DAGLB: variants seen among roughly 807,000 people sequenced by gnomAD.
DAGLB encodes the protein diacylglycerol lipase beta.
Under a neutral mutation model 72.1 loss-of-function variants are expected in DAGLB, and 66 were observed. That is an observed-to-expected ratio of 0.92 (90% CI 0.75 to 1.12). The LOEUF (loss-of-function observed/expected upper bound fraction) is 1.12. Ranked by LOEUF, DAGLB falls within the 50% of genes most tolerant of loss-of-function variation. The probability of loss-of-function intolerance (pLI) is 0.00; values close to 1 mark genes in which losing one functional copy is unlikely to be tolerated. For missense variants in DAGLB, 1,065 were observed against 884.9 expected, an observed-to-expected ratio of 1.20 and a Z score of -2.58; for synonymous variants, 414 against 359.5, an observed-to-expected ratio of 1.15 and a Z score of -1.71.
chr7:6,443,164 G>C (rs1784884339), intron 2 of DAGLB, among the ~76,000 whole-genome samples: 1 of 148,598 alleles, frequency 6.7e-6, no homozygotes, highest in African/African-American at 2.5e-5. Flanking sequence ...AGTCCAGCCT[G>C]GGTGAAAGAG....
chr7:6,434,615 T>C lies in DAGLB; in HGVS notation c.678+147A>G. The stretch of plus-strand genomic sequence containing the variant: ...AGTTAACTGCTCCCTGGAGGGCTCA[T>C]CACAGACAGAGGGTCTCCGGCCACC... On this transcript the variant is annotated intron_variant, in intron 4 of 14. Transcript: ENST00000297056. 5 of 1,319,096 alleles carry C rather than the reference T, an allele frequency of 3.8e-6. No homozygotes were observed. Among genetic ancestry groups the C allele is most frequent in the South Asian group, 1.4e-5 (1 of 71,948 alleles). 81.7% of individuals were successfully genotyped at this position (1,319,096 alleles called of 1,614,324 possible).
chr7:6,420,384 GA>G (rs1234642423), intron 9 of DAGLB, among the ~76,000 whole-genome samples: 1 of 151,312 alleles, frequency 6.6e-6, no homozygotes, highest in Non-Finnish European at 1.5e-5. Flanking sequence ...AGGTTGCAGT[GA>G]GCTGAGATGG....
Position 6,446,047 on chromosome 7 carries a change from ACCAGCACAGT to A in DAGLB, c.143_152del (p.Asp48ValfsTer9). 1 of 1,613,764 alleles carries A rather than the reference ACCAGCACAGT, an allele frequency of 6.2e-7. No homozygotes were observed. Among genetic ancestry groups the A allele is most frequent in the South Asian group, 1.1e-5 (1 of 91,052 alleles). ...TCAAGTAACTGCTGAGCAAGGCTCC[ACCAGCACAGT>A]CCAGCTTTCCTCTGTGCATGAGATA... On this transcript the variant is annotated frameshift_variant, in exon 2 of 15. Transcript: ENST00000297056. LOFTEE classifies it high-confidence loss of function.
Position 6,436,501 on chromosome 7 carries a change from T to A in DAGLB, c.280A>T (p.Met94Leu). The A allele has an allele frequency of 1.2e-6, 2 of 1,614,184 alleles. No homozygotes were observed. Among genetic ancestry groups the A allele is most frequent in the Non-Finnish European group, 1.7e-6 (2 of 1,180,042 alleles). ...TICNPGPRKS[M>L]SKLLYIRLAL... ...AGGCGGATGTAAAGCAGCTTAGACA[T>A]AGACTTCCGCGGTCCAGGGTTACAA... is the stretch of plus-strand genomic sequence containing the variant. The change falls in exon 3 of 15, where the codon ATG becomes TTG. Residue 94 changes from methionine to leucine, a missense_variant. Physicochemically the swap from Met to Leu is conservative, Grantham distance 15. Coordinates refer to ENST00000297056, the MANE Select transcript of DAGLB (RefSeq NM_139179.4).
At position 6,410,011 on chromosome 7, in the gene DAGLB, G is replaced by A; in HGVS notation, c.1845C>T (p.His615=). 1 of 1,613,980 alleles carries A rather than the reference G, an allele frequency of 6.2e-7. No individual in the cohort carries two copies. The highest frequency in any genetic ancestry group is 8.5e-7 in the Non-Finnish European group (1 of 1,179,934). Residue 615 remains histidine, a synonymous_variant, in exon 15 of 15, where the codon CAC becomes CAT. Coordinates refer to ENST00000297056, the MANE Select transcript of DAGLB (RefSeq NM_139179.4). ...SGRFGCCSAA[H]YSAKWSHEAE... is the part of the protein sequence containing the mutation. Reference sequence around the variant, plus strand: ...CTTCGTGTGACCACTTGGCGCTATAGTGAGCAGCAGAGCAGCAGCCAAACC... The same window carrying A: ...CTTCGTGTGACCACTTGGCGCTATAATGAGCAGCAGAGCAGCAGCCAAACC...
intron 2 of DAGLB, among the ~76,000 whole-genome samples, chr7:6,439,458 A>G (rs1784761308): frequency 6.6e-6 from 1 of 152,090 alleles, no homozygotes; most frequent in African/African-American, 2.4e-5. Flanking sequence ...ATCATCAGAC[A>G]CAGCCACTTA....
chr7:6,438,860 GATA>G (rs34949721), intron 2 of DAGLB, among the ~76,000 whole-genome samples: 25,096 of 151,910 alleles, frequency 0.17, 2,444 homozygotes, highest in East Asian at 0.23. Context: ...TTTTAAAAAA[GATA>G]ATGATGATGA....
At chr7:6,410,989 A>G (rs1374999099) in intron 13 of DAGLB, among the ~76,000 whole-genome samples, 3 of 142,624 alleles carry the variant, frequency 2.1e-5, no homozygotes, top group South Asian at 2.2e-4. Context: ...GGTTCACGCC[A>G]TTCTCCTGCC....
rs377576570 is a variant in DAGLB at position 6,435,062 on chromosome 7, C to T, written c.420-42G>A. 19 of 1,600,024 alleles carry T rather than the reference C, an allele frequency of 1.2e-5. No homozygotes were observed. The Admixed American group carries it at 2.7e-4, about 23-fold the overall frequency. ...GGAAAAGGCTCGGTGACTGCGGGCC[C>T]CAGCCCAGACGCAGATGTCCGGGGT... On this transcript the variant is annotated intron_variant, in intron 3 of 14. Coordinates refer to ENST00000297056, the MANE Select transcript of DAGLB (RefSeq NM_139179.4).
At chr7:6,446,213 A>C in intron 1 of DAGLB, 109 bp from the exon 2 acceptor site, 2 of 1,160,032 alleles carry the variant, frequency 1.7e-6, no homozygotes, top group Non-Finnish European at 2.3e-6. Context: ...TCACACCTGT[A>C]ATCACAGCAC....
chr7:6,409,728 T>A lies in DAGLB; in HGVS notation c.*109A>T. Reference sequence around the variant, plus strand: ...GAATTCTGTTCCCATCCGATTCCTGTTGATGGACATTCGCTGTTTTGGCGT... The same window carrying A: ...GAATTCTGTTCCCATCCGATTCCTGATGATGGACATTCGCTGTTTTGGCGT... On this transcript the variant is annotated 3_prime_UTR_variant, in exon 15 of 15. Coordinates refer to ENST00000297056, the MANE Select transcript of DAGLB (RefSeq NM_139179.4). The A allele has an allele frequency of 1.6e-6, 2 of 1,248,906 alleles. No homozygotes were observed. The highest frequency in any genetic ancestry group is 2.2e-6 in the Non-Finnish European group (2 of 905,944). The allele number at this position is 1,248,906 out of a possible 1,614,324, so 77.4% of individuals were successfully genotyped here. A position where few individuals can be genotyped will look rare whatever the true frequency, so the allele number is the denominator to read the frequency against.
At chr7:6,426,261 A>C (rs535731073) in intron 6 of DAGLB, 147 bp from the exon 7 acceptor site, 1 of 1,174,552 alleles carries the variant, frequency 8.5e-7, no homozygotes, top group Admixed American at 2.4e-5. Flanking sequence ...TGGCTTTTTA[A>C]AACTTAATTT....
At chr7:6,425,402 G>A (rs978565262) in intron 7 of DAGLB, among the ~76,000 whole-genome samples, 1 of 152,188 alleles carries the variant, frequency 6.6e-6, no homozygotes. Flanking sequence ...CTCCCGACCA[G>A]CAGAGACTAC....
At position 6,446,198 on chromosome 7, in the gene DAGLB, G is replaced by A. The variant is rs1784994679; in HGVS notation, c.96-94C>T. On this transcript the variant is annotated intron_variant, in intron 1 of 14. Coordinates refer to ENST00000297056, the MANE Select transcript of DAGLB (RefSeq NM_139179.4). The stretch of plus-strand genomic sequence containing the variant: ...AAGAAATAAAAGGGGACAGGGCGCG[G>A]TGGCTCACACCTGTAATCACAGCAC... 13 of 1,355,742 alleles carry A rather than the reference G, an allele frequency of 9.6e-6. 1 individual carries two copies. In the South Asian group the frequency reaches 2.1e-4, roughly 22 times the overall value. 84.0% of individuals were successfully genotyped at this position (1,355,742 alleles called of 1,614,324 possible). A position where few individuals can be genotyped will look rare whatever the true frequency, so the allele number is the denominator to read the frequency against.
At chr7:6,415,382 C>G (rs967063684) in intron 11 of DAGLB, among the ~76,000 whole-genome samples, 5 of 151,780 alleles carry the variant, frequency 3.3e-5, no homozygotes, top group Admixed American at 2.0e-4. Flanking sequence ...TTGTTCTTTA[C>G]GTACATACTT....
rs57374634 is a variant in DAGLB at position 6,430,250 on chromosome 7, CATATATATATATATAT to C, written c.929+214_929+229del. On this transcript the variant is annotated intron_variant, in intron 6 of 14. Transcript: ENST00000297056. ...GGTTCGGGGAAAAAAAATACATGTG[CATATATATATATATAT>C]ATATATATATATATATGCAGGGGGG... Among the ~76,000 whole-genome samples the C allele has an allele frequency of 1.7e-3, 77 of 45,748 alleles. 7 individuals are homozygous for C. The highest frequency in any genetic ancestry group is 0.014 in the East Asian group (12 of 840). 30.0% of individuals were successfully genotyped at this position (45,748 alleles called of 152,430 possible). A position where few individuals can be genotyped will look rare whatever the true frequency, so the allele number is the denominator to read the frequency against.
chr7:6,419,549 C>T (rs1784038823), intron 9 of DAGLB, among the ~76,000 whole-genome samples: 1 of 152,186 alleles, frequency 6.6e-6, no homozygotes, highest in African/African-American at 2.4e-5. Context: ...CCAAACTCAG[C>T]GTGATTTGGC....
chr7:6,419,482 C>T (rs967483253), intron 9 of DAGLB, among the ~76,000 whole-genome samples: 1 of 152,192 alleles, frequency 6.6e-6, no homozygotes, highest in Non-Finnish European at 1.5e-5. Flanking sequence ...ACAACAAATG[C>T]CAAAGCCCTT....
chr7:6,409,769 G>C lies in DAGLB; in HGVS notation c.*68C>G. The stretch of plus-strand genomic sequence containing the variant: ...GTTTTGGCGTCATGGGAACTCCTCG[G>C]ATGGTAAGTCAGTTTAAGGACAAAA... On this transcript the variant is annotated 3_prime_UTR_variant, in exon 15 of 15. Coordinates refer to ENST00000297056, the MANE Select transcript of DAGLB (RefSeq NM_139179.4). 6.5e-7 allele frequency: 1 copy of C among 1,541,390 alleles called. No homozygotes were observed. The highest frequency in any genetic ancestry group is 8.8e-7 in the Non-Finnish European group (1 of 1,136,500).
Sources: allele counts gnomAD v4.1 joint callset (sites outside exome capture counted in the v4.1 genomes callset), GRCh38; gene constraint gnomAD v4.1.1; transcripts MANE v1.5; gene names NCBI Gene and HGNC (gene_info 2026-07-23, HGNC 2026-07-21).